KCNQ5: variants seen among roughly 807,000 people sequenced by gnomAD.
KCNQ5 encodes potassium voltage-gated channel subfamily Q member 5, also known as potassium voltage-gated channel subfamily KQT member 5.
In KCNQ5, 30 loss-of-function variants were observed where a neutral mutation model predicts 98.2. The observed-to-expected ratio is 0.31, with a 90% CI of 0.23 to 0.41. The LOEUF is 0.41. KCNQ5 is among the 10% of genes least tolerant of loss of function. The pLI is 1.00. For synonymous variants in KCNQ5, 458 were observed against 449.4 expected, an observed-to-expected ratio of 1.02 and a Z score of -0.24; for missense variants, 835 against 1,182.5, an observed-to-expected ratio of 0.71 and a Z score of 4.31.
Position 73,195,551 on chromosome 6 carries a change from CT to C in KCNQ5, c.*141del. On this transcript the variant is annotated 3_prime_UTR_variant, in exon 14 of 14. Coordinates refer to ENST00000370398, the MANE Select transcript of KCNQ5 (RefSeq NM_019842.4). Reference sequence around the variant, plus strand: ...GAAAGGCAGTTTATAAGCCCGTTACCTTTTAATTGCATGAAAATGCATGTTT... The same window carrying C: ...GAAAGGCAGTTTATAAGCCCGTTACCTTTAATTGCATGAAAATGCATGTTT... The C allele has an allele frequency of 9.2e-7, 1 of 1,090,456 alleles. No individual in the cohort carries two copies. The highest frequency in any genetic ancestry group is 1.3e-6 in the Non-Finnish European group (1 of 769,282). 67.5% of individuals were successfully genotyped at this position (1,090,456 alleles called of 1,614,324 possible). A position where few individuals can be genotyped will look rare whatever the true frequency, so the allele number is the denominator to read the frequency against.
intron 10 of KCNQ5, among the ~76,000 whole-genome samples, chr6:73,137,156 C>G (rs1230403688): frequency 6.6e-6 from 1 of 152,012 alleles, no homozygotes; most frequent in African/African-American, 2.4e-5. Context: ...CCTGACAAAT[C>G]TGATACTCTT....
intron 5 of KCNQ5, among the ~76,000 whole-genome samples, chr6:73,080,477 A>C (rs1036424144): frequency 5.3e-5 from 8 of 152,160 alleles, no homozygotes; most frequent in African/African-American, 1.9e-4. Flanking sequence ...CAAACAAGAG[A>C]GCTCATTGTT....
At chr6:72,813,808 T>C (rs1318119041) in intron 1 of KCNQ5, among the ~76,000 whole-genome samples, 1 of 152,254 alleles carries the variant, frequency 6.6e-6, no homozygotes, top group African/African-American at 2.4e-5. Context: ...GTTGTTTTAC[T>C]ATATTTTTTA....
intron 1 of KCNQ5, among the ~76,000 whole-genome samples, chr6:72,751,168 T>G (rs1021901107): frequency 6.6e-6 from 1 of 152,032 alleles, no homozygotes; most frequent in African/African-American, 2.4e-5. Context: ...AGCATTTGAA[T>G]TGGATTTTAG....
At chr6:73,061,525 T>G (rs182009068) in intron 3 of KCNQ5, among the ~76,000 whole-genome samples, 141 of 152,200 alleles carry the variant, frequency 9.3e-4, no homozygotes, top group Middle Eastern at 3.4e-3. Context: ...CTACTCACAC[T>G]CCAGGCACTT....
intron 1 of KCNQ5, among the ~76,000 whole-genome samples, chr6:72,939,358 A>G (rs750365518): frequency 1.4e-4 from 21 of 152,182 alleles, no homozygotes; most frequent in Non-Finnish European, 2.8e-4. Flanking sequence ...ATTCCAGCCC[A>G]TGCGTTCTTT....
chr6:72,859,708 G>T (rs1370611550), intron 1 of KCNQ5, among the ~76,000 whole-genome samples: 2 of 151,874 alleles, frequency 1.3e-5, no homozygotes, highest in Admixed American at 1.3e-4. Flanking sequence ...CAGCCTCCCA[G>T]ATAGCTGGGA....
At chr6:73,028,103 G>A (rs1231705826) in intron 2 of KCNQ5, among the ~76,000 whole-genome samples, 1 of 152,142 alleles carries the variant, frequency 6.6e-6, no homozygotes, top group African/African-American at 2.4e-5. Flanking sequence ...TGTACTTTCA[G>A]TGACTTTAGA....
chr6:72,766,205 C>A (rs1251254361), intron 1 of KCNQ5, among the ~76,000 whole-genome samples: 1 of 151,832 alleles, frequency 6.6e-6, no homozygotes, highest in African/African-American at 2.4e-5. Flanking sequence ...GCAAGAAGAC[C>A]CTAGGATGGG....
intron 12 of KCNQ5, 50 bp downstream of exon 12, chr6:73,190,754 T>C (rs200934928): frequency 7.5e-7 from 1 of 1,331,814 alleles, no homozygotes; most frequent in Admixed American, 2.5e-5. Flanking sequence ...ATAGAACCTA[T>C]CTAGGAAGAA....
intron 1 of KCNQ5, among the ~76,000 whole-genome samples, chr6:72,648,098 A>G (rs1765688694): frequency 6.6e-6 from 1 of 152,150 alleles, no homozygotes; most frequent in Non-Finnish European, 1.5e-5. Context: ...TATGGTAATT[A>G]AGTTTGATAA....
At chr6:72,935,515 G>A (rs1385829529) in intron 1 of KCNQ5, among the ~76,000 whole-genome samples, 2 of 152,140 alleles carry the variant, frequency 1.3e-5, no homozygotes, top group African/African-American at 4.8e-5. Context: ...CCGGCACTCA[G>A]AAGCAGCTGC....
intron 1 of KCNQ5, among the ~76,000 whole-genome samples, chr6:72,849,389 A>G (rs1777153560): frequency 6.6e-6 from 1 of 152,134 alleles, no homozygotes; most frequent in South Asian, 2.1e-4. Context: ...AGGTTGTACT[A>G]ATTTACATTC....
chr6:73,192,559 T>C lies in KCNQ5; in HGVS notation c.1710-6T>C. 1 of 1,605,294 alleles carries C rather than the reference T, an allele frequency of 6.2e-7. No homozygotes were observed. The highest frequency in any genetic ancestry group is 8.5e-7 in the Non-Finnish European group (1 of 1,175,734). On this transcript the variant is annotated splice_polypyrimidine_tract_variant and splice_region_variant and intron_variant, in intron 12 of 13. Coordinates refer to ENST00000370398, the MANE Select transcript of KCNQ5 (RefSeq NM_019842.4). ...CTCATAATCAGATCTCCTCTTTCTC[T>C]GATAGTGTTGATCAAATTCTTGGAA...
At chr6:72,970,636 G>T (rs1472982726) in intron 1 of KCNQ5, among the ~76,000 whole-genome samples, 1 of 152,096 alleles carries the variant, frequency 6.6e-6, no homozygotes, top group African/African-American at 2.4e-5. Context: ...CATGGTACTG[G>T]TACCAAAACA....
At chr6:73,092,148 G>A (rs1774282748) in intron 5 of KCNQ5, among the ~76,000 whole-genome samples, 1 of 151,316 alleles carries the variant, frequency 6.6e-6, no homozygotes, top group Non-Finnish European at 1.5e-5. Context: ...CTATTGTAAA[G>A]GGGATTGAGT....
intron 1 of KCNQ5, among the ~76,000 whole-genome samples, chr6:72,971,136 C>G (rs144286768): frequency 0.027 from 4,121 of 152,220 alleles, 65 homozygotes; most frequent in Middle Eastern, 0.082. Context: ...CTACAAAGAA[C>G]TCAAACAAAT....
chr6:72,705,590 GT>G (rs758036031), intron 1 of KCNQ5, among the ~76,000 whole-genome samples: 125 of 93,088 alleles, frequency 1.3e-3, no homozygotes, highest in East Asian at 5.4e-3. Context: ...TGTTGTTTTT[GT>G]TTTTTTTTTT....
intron 10 of KCNQ5, chr6:73,134,461 A>C (rs1004583113): frequency 6.6e-6 from 1 of 152,586 alleles, no homozygotes; most frequent in Non-Finnish European, 1.5e-5. Flanking sequence ...CCTTTTCCTA[A>C]ATAACGTGTA....
Sources: allele counts gnomAD v4.1 joint callset (sites outside exome capture counted in the v4.1 genomes callset), GRCh38; gene constraint gnomAD v4.1.1; transcripts MANE v1.5; gene names NCBI Gene and HGNC (gene_info 2026-07-23, HGNC 2026-07-21).